IPO11: variants seen among roughly 807,000 people sequenced by gnomAD.
IPO11 encodes importin-11.
IPO11 carries 66 observed loss-of-function variants against 143.2 expected under a neutral mutation model. That is an observed-to-expected ratio of 0.46 (90% CI 0.38 to 0.57). The LOEUF is 0.57. Among genes scored for constraint, IPO11 ranks in the 20% least tolerant of loss-of-function variants. The pLI, the probability that IPO11 is intolerant of heterozygous loss-of-function variation, is 0.00. For synonymous variants in IPO11, 385 were observed against 377.8 expected, an observed-to-expected ratio of 1.02 and a Z score of -0.22; for missense variants, 1,026 against 1,141.0, an observed-to-expected ratio of 0.90 and a Z score of 1.45.
chr5:62,485,488 G>T, intron 12 of IPO11, 26 bp downstream of exon 12: 1 of 1,551,380 alleles, frequency 6.4e-7, no homozygotes, highest in South Asian at 1.1e-5. Context: ...AAGAAAAATT[G>T]ATAGGGGAAA....
intron 24 of IPO11, among the ~76,000 whole-genome samples, chr5:62,547,970 T>A (rs1167759924): frequency 1.3e-5 from 2 of 152,152 alleles, no homozygotes; most frequent in Non-Finnish European, 2.9e-5. Context: ...ACAACCACTT[T>A]TAGTGCTTGT....
At chr5:62,561,574 G>T (rs1349906607) in intron 27 of IPO11, among the ~76,000 whole-genome samples, 1 of 152,028 alleles carries the variant, frequency 6.6e-6, no homozygotes, top group Non-Finnish European at 1.5e-5. Context: ...TGTTTACATA[G>T]ATATATTAAA....
chr5:62,452,721 GGGGT>G (rs757872917), intron 5 of IPO11, among the ~76,000 whole-genome samples: 7 of 96,776 alleles, frequency 7.2e-5, no homozygotes, highest in South Asian at 4.5e-4. Flanking sequence ...TGTTTTTGGT[GGGGT>G]GTGTGTGTGT....
intron 24 of IPO11, 27 bp downstream of exon 24, chr5:62,537,316 AT>A: frequency 7.5e-7 from 1 of 1,327,320 alleles, no homozygotes; most frequent in South Asian, 1.2e-5. Flanking sequence ...AAATGAATAT[AT>A]TTATGAATTT....
At chr5:62,514,310 C>A (rs1362645314) in intron 19 of IPO11, among the ~76,000 whole-genome samples, 3 of 152,156 alleles carry the variant, frequency 2.0e-5, no homozygotes, top group Admixed American at 6.5e-5. Context: ...CCATTGAGCA[C>A]TGAGTGAATG....
At chr5:62,537,494 C>T (rs1742775424) in intron 24 of IPO11, among the ~76,000 whole-genome samples, 1 of 152,096 alleles carries the variant, frequency 6.6e-6, no homozygotes, top group Non-Finnish European at 1.5e-5. Flanking sequence ...GGCAAGAGAT[C>T]AACTGGACAT....
intron 27 of IPO11, among the ~76,000 whole-genome samples, chr5:62,570,458 C>G (rs1290545104): frequency 6.6e-6 from 1 of 152,146 alleles, no homozygotes; most frequent in Non-Finnish European, 1.5e-5. Flanking sequence ...CTAAAATGCT[C>G]ACCTGTTCCT....
chr5:62,417,293 T>A (rs1743328956), intron 1 of IPO11, among the ~76,000 whole-genome samples: 1 of 150,940 alleles, frequency 6.6e-6, no homozygotes, highest in South Asian at 2.1e-4. Context: ...ATTCTCTATA[T>A]TCATTTTCTT....
intron 2 of IPO11, among the ~76,000 whole-genome samples, chr5:62,441,675 C>T (rs998013264): frequency 6.6e-6 from 1 of 151,316 alleles, no homozygotes; most frequent in Admixed American, 6.6e-5. Flanking sequence ...CCACCACACC[C>T]AGCTAATTTT....
chr5:62,443,225 A>G (rs567453800), intron 3 of IPO11, 142 bp downstream of exon 3: 1 of 495,790 alleles, frequency 2.0e-6, no homozygotes, highest in East Asian at 3.3e-5. Flanking sequence ...TACAGAGACG[A>G]TTAGCATGGT....
chr5:62,623,594 G>C (rs1171123104), intron 29 of IPO11, among the ~76,000 whole-genome samples: 2 of 151,774 alleles, frequency 1.3e-5, no homozygotes, highest in Non-Finnish European at 1.5e-5. Flanking sequence ...AGCCCCGAGG[G>C]CTGCTGGCTG....
At chr5:62,610,373 C>T (rs1356322632) in intron 29 of IPO11, among the ~76,000 whole-genome samples, 1 of 152,008 alleles carries the variant, frequency 6.6e-6, no homozygotes, top group African/African-American at 2.4e-5. Context: ...TATTGAAAAG[C>T]AGTTTGAAAG....
rs138490998 is a variant in IPO11 at position 62,451,844 on chromosome 5, C to G, written c.427C>G (p.Arg143Gly). ...IESVKVQDDL[R>G]QHRALLTFYH... The stretch of plus-strand genomic sequence containing the variant: ...GTCTGTTAAAGTCCAGGATGATCTT[C>G]GACAGCACAGAGCATTACTTACCTT... The change falls in exon 5 of 30, where the codon CGA (arginine) becomes GGA (glycine). Residue 143 changes from arginine to glycine, a missense_variant. By Grantham distance (125) the Arg-to-Gly change is moderately radical. Around this residue, in one of 5 missense-constraint regions of IPO11, gnomAD observed 429 missense variants for 456.3 expected, o/e 0.94. Transcript: ENST00000325324. 1.2e-5 allele frequency: 19 copies of G among 1,613,550 alleles called. No individual in the cohort carries two copies. Among genetic ancestry groups the G allele is most frequent in the Non-Finnish European group, 1.4e-5 (17 of 1,179,574 alleles).
chr5:62,456,310 C>T (rs1189075847), intron 5 of IPO11, among the ~76,000 whole-genome samples: 1 of 152,080 alleles, frequency 6.6e-6, no homozygotes, highest in Admixed American at 6.6e-5. Flanking sequence ...GCCAGGAATT[C>T]ATTTTCTGTA....
chr5:62,474,889 A>G (rs1745901978), intron 8 of IPO11, among the ~76,000 whole-genome samples: 1 of 152,202 alleles, frequency 6.6e-6, no homozygotes, highest in East Asian at 1.9e-4. Flanking sequence ...TATTTGCTGG[A>G]CAAAGGGAGG....
chr5:62,532,350 C>G (rs554381368), intron 22 of IPO11, among the ~76,000 whole-genome samples: 1 of 151,648 alleles, frequency 6.6e-6, no homozygotes, highest in African/African-American at 2.4e-5. Context: ...GGTGGTGGTT[C>G]GTTTGTTTGT....
intron 15 of IPO11, among the ~76,000 whole-genome samples, chr5:62,491,834 T>G (rs1746621459): frequency 6.6e-6 from 1 of 151,714 alleles, no homozygotes; most frequent in South Asian, 2.1e-4. Flanking sequence ...CCCGGCTAAT[T>G]TTTTTGTATT....
chr5:62,511,704 A>C (rs112241662), intron 19 of IPO11, among the ~76,000 whole-genome samples: 6 of 152,194 alleles, frequency 3.9e-5, no homozygotes, highest in African/African-American at 7.2e-5. Context: ...AGTAGATAGT[A>C]GTGAAGCTAT....
intron 27 of IPO11, chr5:62,580,472 T>C: frequency 6.4e-7 from 1 of 1,551,458 alleles, no homozygotes; most frequent in Non-Finnish European, 8.7e-7. Context: ...CCAAGGGTCC[T>C]TAAGCCGTTG....
Sources: gnomAD v4.1 joint callset for allele counts (sites outside exome capture counted in the v4.1 genomes callset) on GRCh38, gnomAD v4.1.1 for gene constraint, gnomAD v4.1.1 regional missense constraint, MANE v1.5 for transcripts, NCBI Gene and HGNC (gene_info 2026-07-23, HGNC 2026-07-21) for gene names.